EML2: variants seen among roughly 807,000 people sequenced by gnomAD.
EML2 encodes the protein echinoderm microtubule-associated protein-like 2.
Under a neutral mutation model 84.7 loss-of-function variants are expected in EML2, and 59 were observed. The observed-to-expected ratio is 0.70, with a 90% CI of 0.56 to 0.86. EML2 has a LOEUF of 0.86. EML2 is among the 40% of genes least tolerant of loss of function. The pLI, the probability that EML2 is intolerant of heterozygous loss-of-function variation, is 0.00. For synonymous variants in EML2, 352 were observed against 348.9 expected (o/e 1.01, Z -0.10); for missense variants, 818 against 855.6 (o/e 0.96, Z 0.55).
chr19:45,619,051 G>A lies in EML2; in HGVS notation c.1254+9C>T, dbSNP rs1424881063. ...AGAATGGTGCTTTTCCAGTCCCCGGGCCCCTTACCTCGATGATCCTGCTCC... is the reference window on the plus strand; with the variant it reads ...AGAATGGTGCTTTTCCAGTCCCCGGACCCCTTACCTCGATGATCCTGCTCC... On this transcript the variant is annotated intron_variant, in intron 12 of 18. Coordinates refer to ENST00000245925, the MANE Select transcript of EML2 (RefSeq NM_012155.4). 4 of 1,601,920 alleles carry A rather than the reference G, an allele frequency of 2.5e-6. No individual in the cohort carries two copies. Among genetic ancestry groups the A allele is most frequent in the Non-Finnish European group, 1.7e-6 (2 of 1,171,634 alleles).
chr19:45,620,538 AT>A (rs1281140468), intron 11 of EML2, among the ~76,000 whole-genome samples: 1 of 151,718 alleles, frequency 6.6e-6, no homozygotes, highest in Non-Finnish European at 1.5e-5. Flanking sequence ...GTGAAAACCC[AT>A]TTCTACTAAA....
chr19:45,637,656 CT>C (rs1973898530), intron 3 of EML2, among the ~76,000 whole-genome samples: 1 of 98,842 alleles, frequency 1.0e-5, no homozygotes, highest in Non-Finnish European at 2.1e-5. Context: ...TTTTTTTTTT[CT>C]TTTTCTTTTC....
At chr19:45,636,320 T>C (rs1407101008) in intron 3 of EML2, among the ~76,000 whole-genome samples, 1 of 152,228 alleles carries the variant, frequency 6.6e-6, no homozygotes, top group African/African-American at 2.4e-5. Flanking sequence ...GGGATCTCGC[T>C]TTGTTGCCCA....
At chr19:45,639,405 G>A (rs1404659493), upstream of EML2, 1 of 1,255,662 alleles carries the variant, frequency 8.0e-7, no homozygotes. Flanking sequence ...TTCGGGGCCG[G>A]GGGTGGAGCC....
chr19:45,625,161 G>C (rs1010348337), intron 8 of EML2, among the ~76,000 whole-genome samples: 1 of 152,156 alleles, frequency 6.6e-6, no homozygotes, highest in Non-Finnish European at 1.5e-5. Context: ...CCCCTCCCGG[G>C]TTCAAACGAT....
At chr19:45,642,540 T>G, upstream of EML2, 1 of 1,402,994 alleles carries the variant, frequency 7.1e-7, no homozygotes, top group Non-Finnish European at 9.2e-7. Flanking sequence ...TCCCCACAGC[T>G]CTCCAACCCA....
At chr19:45,625,888 G>T (rs1036168671) in intron 8 of EML2, among the ~76,000 whole-genome samples, 10 of 151,284 alleles carry the variant, frequency 6.6e-5, no homozygotes, top group Non-Finnish European at 1.2e-4. Context: ...TTTTGTTTTT[G>T]TTTTTTTTGA....
upstream of EML2, chr19:45,644,623 C>A (rs1257718055): frequency 4.4e-6 from 2 of 452,402 alleles, no homozygotes; most frequent in Admixed American, 2.4e-5. Context: ...TCCTGACCAT[C>A]CCCCCATCCT....
intron 1 of EML2, 44 bp downstream of exon 1, chr19:45,639,313 G>A: frequency 7.4e-7 from 1 of 1,349,634 alleles, no homozygotes; most frequent in Non-Finnish European, 9.6e-7. Flanking sequence ...TAAGCCCCGG[G>A]AGCGCGGAGA....
At chr19:45,610,697 G>A (rs915065447) in intron 18 of EML2, among the ~76,000 whole-genome samples, 13 of 151,852 alleles carry the variant, frequency 8.6e-5, no homozygotes, top group Admixed American at 3.3e-4. Flanking sequence ...AAAATTAGCC[G>A]GGCGTGGTGG....
At chr19:45,628,941 C>A in intron 7 of EML2, 1 of 152,220 alleles carries the variant, frequency 6.6e-6, no homozygotes. Flanking sequence ...TATCTCTTCC[C>A]CTCACCATGC....
chr19:45,626,966 T>C (rs1972424521), intron 7 of EML2, 127 bp from the exon 8 acceptor site: 2 of 929,170 alleles, frequency 2.2e-6, no homozygotes, highest in Non-Finnish European at 3.0e-6. Context: ...TTTTCTTTTT[T>C]TTTTTTTTTT....
upstream of EML2, chr19:45,641,143 C>T (rs909509247): frequency 1.9e-5 from 3 of 155,838 alleles, no homozygotes; most frequent in African/African-American, 7.2e-5. Context: ...CAGTGCCCCC[C>T]GATTTTGATG....
chr19:45,636,773 C>T (rs1254512420), intron 3 of EML2, among the ~76,000 whole-genome samples: 1 of 152,188 alleles, frequency 6.6e-6, no homozygotes, highest in African/African-American at 2.4e-5. Flanking sequence ...ATGGCGAAAC[C>T]CTGTCTCTAC....
At chr19:45,639,084 A>G in intron 1 of EML2, 1 of 745,694 alleles carries the variant, frequency 1.3e-6, no homozygotes, top group Non-Finnish European at 2.4e-6. Flanking sequence ...AGTGATCGCC[A>G]AAGATCACAC....
chr19:45,623,229 G>C (rs1971930740), intron 9 of EML2, among the ~76,000 whole-genome samples: 1 of 151,972 alleles, frequency 6.6e-6, no homozygotes, highest in Non-Finnish European at 1.5e-5. Flanking sequence ...TGTGGTGGCG[G>C]GCACCTGTAG....
chr19:45,639,343 C>A lies in EML2; in HGVS notation c.20+14G>T. ...CGGAGAGGAGATGGGGGGTGGTCTG[C>A]GAAAGGGTCTCACCCAGCTCCAAAG... On this transcript the variant is annotated intron_variant, in intron 1 of 18. Transcript: ENST00000245925. 3.0e-6 allele frequency: 4 copies of A among 1,330,898 alleles called. No homozygotes were observed. The highest frequency in any genetic ancestry group is 4.5e-5 in the South Asian group (2 of 43,984). 82.4% of individuals were successfully genotyped at this position (1,330,898 alleles called of 1,614,324 possible). A position where few individuals can be genotyped will look rare whatever the true frequency, so the allele number is the denominator to read the frequency against.
chr19:45,642,637 C>G (rs1374777481), upstream of EML2: 1 of 830,038 alleles, frequency 1.2e-6, no homozygotes, highest in East Asian at 4.7e-5. Flanking sequence ...TCTGTGAACC[C>G]AGGAGCCTCT....
At chr19:45,642,171 C>T (rs996668044), upstream of EML2, 17 of 1,528,450 alleles carry the variant, frequency 1.1e-5, no homozygotes, top group Admixed American at 2.0e-5. Context: ...GCGCCCGGCC[C>T]TTGGGGGTGC....
Sources: allele counts gnomAD v4.1 joint callset (sites outside exome capture counted in the v4.1 genomes callset), GRCh38; gene constraint gnomAD v4.1.1; transcripts MANE v1.5; gene names NCBI Gene and HGNC (gene_info 2026-07-23, HGNC 2026-07-21).